RBFOX1: variants seen among roughly 807,000 people sequenced by gnomAD.
RBFOX1 encodes RNA binding fox-1 homolog 1, also known as RNA binding protein fox-1 homolog 1.
RBFOX1 carries 8 observed loss-of-function variants against 57.7 expected under a neutral mutation model. The ratio of observed to expected loss-of-function variants is 0.14; its 90% CI spans 0.08 to 0.25. The LOEUF (loss-of-function observed/expected upper bound fraction) is 0.25, where lower values mean the gene tolerates loss of function less well. RBFOX1 is among the 10% of genes least tolerant of loss of function. The pLI is 1.00. For missense variants in RBFOX1, 611 were observed against 548.5 expected, an observed-to-expected ratio of 1.11 and a Z score of -1.14; for synonymous variants, 326 against 222.4, an observed-to-expected ratio of 1.47 and a Z score of -4.15.
chr16:7,415,016 T>G (rs2098465054), intron 4 of RBFOX1, among the ~76,000 whole-genome samples: 1 of 152,242 alleles, frequency 6.6e-6, no homozygotes, highest in Admixed American at 6.5e-5. Context: ...GATCACATAG[T>G]GAATGGCCAA....
At chr16:7,599,356 C>A in intron 9 of RBFOX1, among the ~76,000 whole-genome samples, 1 of 152,058 alleles carries the variant, frequency 6.6e-6, no homozygotes, top group East Asian at 1.9e-4. Flanking sequence ...GAAACTGGAG[C>A]GAGAAAAGCC....
intron 4 of RBFOX1, among the ~76,000 whole-genome samples, chr16:5,906,407 A>G (rs1410015808): frequency 6.6e-6 from 1 of 152,210 alleles, no homozygotes; most frequent in Non-Finnish European, 1.5e-5. Context: ...GATTGCTAAC[A>G]AACTACTGCA....
intron 1 of RBFOX1, among the ~76,000 whole-genome samples, chr16:6,022,614 T>G (rs955437340): frequency 2.0e-5 from 3 of 152,064 alleles, no homozygotes; most frequent in African/African-American, 7.2e-5. Flanking sequence ...CCTGAGAAGG[T>G]TGAGGCTGCA....
At chr16:6,051,745 G>C (rs896284557) in intron 1 of RBFOX1, among the ~76,000 whole-genome samples, 2 of 152,120 alleles carry the variant, frequency 1.3e-5, no homozygotes, top group African/African-American at 4.8e-5. Context: ...TGTACTTTTA[G>C]TAGAGACAGG....
At chr16:7,415,809 C>T (rs180766655) in intron 4 of RBFOX1, among the ~76,000 whole-genome samples, 3 of 152,170 alleles carry the variant, frequency 2.0e-5, no homozygotes, top group Admixed American at 2.0e-4. Context: ...TTTCCAGGCC[C>T]TTCTTTCCAA....
chr16:7,206,452 TA>T (rs2089989741), intron 4 of RBFOX1, among the ~76,000 whole-genome samples: 1 of 146,166 alleles, frequency 6.8e-6, no homozygotes, highest in Non-Finnish European at 1.5e-5. Flanking sequence ...ATTTCCTTAT[TA>T]ATATATATAA....
intron 2 of RBFOX1, among the ~76,000 whole-genome samples, chr16:5,525,439 G>A (rs1230096438): frequency 6.6e-6 from 1 of 151,114 alleles, no homozygotes; most frequent in Non-Finnish European, 1.5e-5. Flanking sequence ...GTCACACAGG[G>A]TGGGCAGAGC....
chr16:7,562,054 G>A (rs1299113918), intron 5 of RBFOX1, among the ~76,000 whole-genome samples: 6 of 152,128 alleles, frequency 3.9e-5, no homozygotes, highest in Admixed American at 6.5e-5. Flanking sequence ...AAGGTTGGAG[G>A]CGTCAGCCAG....
intron 10 of RBFOX1, among the ~76,000 whole-genome samples, chr16:7,616,831 G>A (rs564164440): frequency 5.9e-5 from 9 of 151,914 alleles, no homozygotes; most frequent in African/African-American, 7.3e-5. Context: ...CATGGCTGGC[G>A]CAAAAATAGT....
intron 3 of RBFOX1, among the ~76,000 whole-genome samples, chr16:6,880,459 G>T (rs2153328352): frequency 6.6e-6 from 1 of 152,272 alleles, no homozygotes; most frequent in South Asian, 2.1e-4. Context: ...CCCCTGTGTT[G>T]GTCATTGGTC....
At chr16:6,505,381 G>C (rs866337213) in intron 2 of RBFOX1, among the ~76,000 whole-genome samples, 4 of 152,264 alleles carry the variant, frequency 2.6e-5, no homozygotes, top group Middle Eastern at 6.8e-3. Context: ...AATGGCATTT[G>C]GGAAAAACTT....
intron 2 of RBFOX1, among the ~76,000 whole-genome samples, chr16:5,551,005 C>T (rs1239509974): frequency 6.6e-6 from 1 of 152,170 alleles, no homozygotes; most frequent in Non-Finnish European, 1.5e-5. Context: ...CCATAACTCT[C>T]TGTAATAAAG....
intron 2 of RBFOX1, among the ~76,000 whole-genome samples, chr16:5,476,687 A>T (rs1398748504): frequency 2.6e-5 from 4 of 152,242 alleles, no homozygotes; most frequent in African/African-American, 9.6e-5. Flanking sequence ...GATTTGCTCC[A>T]TGGATGCCTT....
chr16:7,625,508 A>G (rs1441166320), intron 10 of RBFOX1, among the ~76,000 whole-genome samples: 2 of 152,064 alleles, frequency 1.3e-5, no homozygotes, highest in Non-Finnish European at 2.9e-5. Context: ...GCCCCAGAAT[A>G]CTCATTCCAT....
At chr16:5,381,423 A>G (rs2066128096) in intron 1 of RBFOX1, among the ~76,000 whole-genome samples, 1 of 152,232 alleles carries the variant, frequency 6.6e-6, no homozygotes, top group East Asian at 1.9e-4. Context: ...AATCACTTGG[A>G]GATCTGGCTC....
intron 3 of RBFOX1, among the ~76,000 whole-genome samples, chr16:5,641,450 T>C (rs2048872558): frequency 6.6e-6 from 1 of 151,478 alleles, no homozygotes; most frequent in Admixed American, 6.6e-5. Context: ...GGAGAAAGAG[T>C]GATGGGAAGC....
At chr16:6,621,868 T>C (rs2098237686) in intron 2 of RBFOX1, among the ~76,000 whole-genome samples, 1 of 152,134 alleles carries the variant, frequency 6.6e-6, no homozygotes, top group Non-Finnish European at 1.5e-5. Flanking sequence ...CGAACAAGGT[T>C]TGTGCTCAGT....
In RBFOX1 at chr16:5,362,155, T is replaced by C. The variant is rs115208562; in HGVS notation, c.220-105061T>C. On this transcript the variant is annotated intron_variant, in intron 1 of 2. Transcript: ENST00000585867. ...ATTGTTATCTACAGGCATAATATTGTGCAGCAGATCTCTAGAACTTACTCA... is the reference window on the plus strand; with the variant it reads ...ATTGTTATCTACAGGCATAATATTGCGCAGCAGATCTCTAGAACTTACTCA... 7.3e-3 allele frequency among the ~76,000 whole-genome samples: 1,118 copies of C among 152,342 alleles called. 7 individuals are homozygous for C. The highest frequency in any genetic ancestry group is 0.026 in the African/African-American group (1,069 of 41,578).
intron 4 of RBFOX1, among the ~76,000 whole-genome samples, chr16:7,396,873 A>G (rs551767603): frequency 5.9e-5 from 9 of 152,290 alleles, no homozygotes; most frequent in Admixed American, 5.9e-4. Flanking sequence ...CCCAGGAGAC[A>G]GAGGTTGCAG....
Sources: allele counts gnomAD v4.1 joint callset (sites outside exome capture counted in the v4.1 genomes callset), GRCh38; gene constraint gnomAD v4.1.1; transcripts MANE v1.5; gene names NCBI Gene and HGNC (gene_info 2026-07-23, HGNC 2026-07-21).